Variants in CELF5 observed in about 807,000 individuals in gnomAD.
CELF5 encodes the protein CUGBP Elav-like family member 5, also known as CUG-BP and ETR-3 like factor 5.
In CELF5, 6 loss-of-function variants were observed where a neutral mutation model predicts 54.9. The observed-to-expected ratio is 0.11, with a 90% CI of 0.06 to 0.22. The LOEUF (loss-of-function observed/expected upper bound fraction) is 0.22, where lower values mean the gene tolerates loss of function less well. Ranked by LOEUF, CELF5 falls within the 10% of genes least tolerant of loss-of-function variation. CELF5 has a pLI of 1.00. For synonymous variants in CELF5, 271 were observed against 290.9 expected (o/e 0.93, Z 0.70); for missense variants, 401 against 678.6 (o/e 0.59, Z 4.54).
intron 11 of CELF5, among the ~76,000 whole-genome samples, chr19:3,292,424 C>G (rs1004129712): frequency 6.6e-6 from 1 of 151,346 alleles, no homozygotes; most frequent in Non-Finnish European, 1.5e-5. Flanking sequence ...GCTGGGATTA[C>G]GGGTGGACAC....
intron 1 of CELF5, among the ~76,000 whole-genome samples, chr19:3,229,874 G>A (rs1299238373): frequency 1.1e-4 from 17 of 152,140 alleles, no homozygotes; most frequent in Admixed American, 1.1e-3. Context: ...TGGAGTTTTT[G>A]CCCTGGTAGG....
chr19:3,227,045 C>G (rs1225866941), intron 1 of CELF5, among the ~76,000 whole-genome samples: 1 of 152,150 alleles, frequency 6.6e-6, no homozygotes, highest in Non-Finnish European at 1.5e-5. Context: ...CAATCACCCT[C>G]CACTTTTTAG....
chr19:3,238,789 G>C (rs1019144045), intron 1 of CELF5, among the ~76,000 whole-genome samples: 2 of 152,100 alleles, frequency 1.3e-5, no homozygotes, highest in Non-Finnish European at 1.5e-5. Flanking sequence ...AAATTAGCAG[G>C]GTGTGGCGGC....
rs544790720 is a variant in CELF5, at chr19:3,290,461, G to A, written c.1330+87G>A. The A allele has an allele frequency of 1.2e-5, 18 of 1,457,098 alleles. No homozygotes were observed. The South Asian group carries it at 1.8e-4, about 15-fold the overall frequency. 90.3% of individuals were successfully genotyped at this position (1,457,098 alleles called of 1,614,324 possible). On this transcript the variant is annotated intron_variant, in intron 11 of 12. Coordinates refer to ENST00000292672, the MANE Select transcript of CELF5 (RefSeq NM_021938.4). Reference sequence around the variant, plus strand: ...ATGGGAGGGTTTTGGTCGGCCTCGGGACAGGGCTGTGCTGAAATAATCACA... The same window carrying A: ...ATGGGAGGGTTTTGGTCGGCCTCGGAACAGGGCTGTGCTGAAATAATCACA...
chr19:3,225,480 C>CCAAA, intron 1 of CELF5: 1 of 670,798 alleles, frequency 1.5e-6, no homozygotes, highest in Non-Finnish European at 1.8e-6. Flanking sequence ...CCCCCACCCC[C>CCAAA]ATTCATTCAG....
rs1490861509 is a variant in CELF5, at chr19:3,296,866, G to T, written c.*149G>T. On this transcript the variant is annotated 3_prime_UTR_variant, in exon 13 of 13. Coordinates refer to ENST00000292672, the MANE Select transcript of CELF5 (RefSeq NM_021938.4). ...AACCAACACACACACAGAAGAGAAA[G>T]CAAAGAACTTGGAACTTTGGGTTGA... The T allele has an allele frequency of 1.3e-5, 2 of 152,104 alleles. No individual in the cohort carries two copies. Among genetic ancestry groups the T allele is most frequent in the Non-Finnish European group, 2.9e-5 (2 of 68,012 alleles). The allele number at this position is 152,104 out of a possible 1,614,324, so 9.4% of individuals were successfully genotyped here.
intron 2 of CELF5, among the ~76,000 whole-genome samples, chr19:3,269,889 G>C (rs563484168): frequency 6.6e-6 from 1 of 152,028 alleles, no homozygotes; most frequent in African/African-American, 2.4e-5. Context: ...TTGGCCTCCC[G>C]ACCTCTCCCT....
At chr19:3,238,972 T>C (rs1212828967) in intron 1 of CELF5, among the ~76,000 whole-genome samples, 2 of 152,150 alleles carry the variant, frequency 1.3e-5, no homozygotes, top group Non-Finnish European at 2.9e-5. Context: ...GTCCTTGTGT[T>C]TGGGGCCTGC....
Position 3,278,748 on chromosome 19 carries a change from G to A in CELF5, c.603+638G>A, listed in dbSNP as rs186583226. ...GTGTGTCAGTATTGTGGGTGATTGTGTACACGTTTGTGAGTATATGCAGGT... is the reference window on the plus strand; with the variant it reads ...GTGTGTCAGTATTGTGGGTGATTGTATACACGTTTGTGAGTATATGCAGGT... On this transcript the variant is annotated intron_variant, in intron 5 of 12. Transcript: ENST00000292672. The surrounding 1 kb of genome is among the most constrained non-coding windows in gnomAD (Gnocchi z 4.5). Among the ~76,000 whole-genome samples the A allele has an allele frequency of 1.3e-5, 2 of 152,008 alleles. No individual in the cohort carries two copies. Among genetic ancestry groups the A allele is most frequent in the Admixed American group, 1.3e-4 (2 of 15,242 alleles).
At chr19:3,286,225 G>C in intron 10 of CELF5, 200 bp downstream of exon 10, 1 of 514,308 alleles carries the variant, frequency 1.9e-6, no homozygotes, top group Non-Finnish European at 3.4e-6. Flanking sequence ...TCCGAAAAGA[G>C]AACCATGCTC....
chr19:3,291,571 C>CAAAAAA (rs34331089), intron 11 of CELF5, among the ~76,000 whole-genome samples: 5 of 85,160 alleles, frequency 5.9e-5, no homozygotes, highest in Non-Finnish European at 1.1e-4. Flanking sequence ...GACTCCGACT[C>CAAAAAA]AAAAAAAAAA....
At position 3,285,797 on chromosome 19, in the gene CELF5, A is replaced by G. The variant is rs529782323; in HGVS notation, c.1103-145A>G. 185 of 375,310 alleles carry G rather than the reference A, an allele frequency of 4.9e-4. No homozygotes were observed. In the African/African-American group the frequency reaches 4.9e-3, roughly 10 times the overall value. The allele number at this position is 375,310 out of a possible 1,614,324, so 23.2% of individuals were successfully genotyped here. A position where few individuals can be genotyped will look rare whatever the true frequency, so the allele number is the denominator to read the frequency against. ...CCCTCTGGCCTGGCCCCGCCCCCAA[A>G]CCCTCCCCACAAAGGCCATGATCAC... On this transcript the variant is annotated intron_variant, in intron 9 of 12. Transcript: ENST00000292672.
At chr19:3,262,320 C>A (rs749611394) in intron 2 of CELF5, among the ~76,000 whole-genome samples, 3 of 152,262 alleles carry the variant, frequency 2.0e-5, no homozygotes, top group Non-Finnish European at 4.4e-5. Flanking sequence ...TGAGCCACCG[C>A]GCCCGGCCAA....
chr19:3,225,810 C>T (rs962807250), intron 1 of CELF5, among the ~76,000 whole-genome samples: 2 of 148,678 alleles, frequency 1.3e-5, no homozygotes, highest in Admixed American at 1.3e-4. Flanking sequence ...CAAGTTGAAA[C>T]TGGCCGAGCC....
chr19:3,235,515 TG>T (rs1917506072), intron 1 of CELF5, among the ~76,000 whole-genome samples: 8 of 127,668 alleles, frequency 6.3e-5, no homozygotes, highest in Non-Finnish European at 1.2e-4. Context: ...GGTGGATGGA[TG>T]GATGGATGAA....
intron 11 of CELF5, 120 bp from the exon 12 acceptor site, chr19:3,293,199 T>C: frequency 7.6e-7 from 1 of 1,309,316 alleles, no homozygotes; most frequent in South Asian, 1.3e-5. Context: ...CCCTGGCCTG[T>C]GCAGGTGTGC....
At chr19:3,283,494 G>C (rs2080184865) in intron 8 of CELF5, among the ~76,000 whole-genome samples, 1 of 152,052 alleles carries the variant, frequency 6.6e-6, no homozygotes, top group Non-Finnish European at 1.5e-5. Flanking sequence ...GGGACTACAA[G>C]CATGTGCCAT....
Position 3,278,242 on chromosome 19 carries a change from G to T in CELF5, c.603+132G>T. ...TGGCTGTCCTTCAGAGGGGGCACAG[G>T]TGGAGAAAGAGGCGCAGTCCCTGGC... On this transcript the variant is annotated intron_variant, in intron 5 of 12. Transcript: ENST00000292672. This position sits in a 1 kb window ranked among gnomAD's most constrained non-coding sequence, Gnocchi z 4.5. 1 of 685,798 alleles carries T rather than the reference G, an allele frequency of 1.5e-6. No homozygotes were observed. The highest frequency in any genetic ancestry group is 2.7e-5 in the East Asian group (1 of 36,622). 42.5% of individuals were successfully genotyped at this position (685,798 alleles called of 1,614,324 possible).
intron 1 of CELF5, among the ~76,000 whole-genome samples, chr19:3,238,353 GTCTT>G (rs1453193457): frequency 6.6e-6 from 1 of 152,156 alleles, no homozygotes; most frequent in African/African-American, 2.4e-5. Flanking sequence ...CAGGGTTCAT[GTCTT>G]TCTTCCAAAG....
Sources: allele counts gnomAD v4.1 joint callset (sites outside exome capture counted in the v4.1 genomes callset), GRCh38; gene constraint gnomAD v4.1.1; non-coding constraint Gnocchi (gnomAD v3.1); transcripts MANE v1.5; gene names NCBI Gene and HGNC (gene_info 2026-07-23, HGNC 2026-07-21).